Variants in PDE1C observed in about 807,000 individuals in gnomAD.
PDE1C encodes dual specificity calcium/calmodulin-dependent 3',5'-cyclic nucleotide phosphodiesterase 1C.
Under a neutral mutation model 93.1 loss-of-function variants are expected in PDE1C, and 62 were observed. The ratio of observed to expected loss-of-function variants is 0.67; its 90% confidence interval spans 0.54 to 0.82. The LOEUF (loss-of-function observed/expected upper bound fraction) is 0.82. PDE1C is among the 40% of genes least tolerant of loss of function. The pLI is 0.00. For missense variants in PDE1C, 742 were observed against 884.6 expected, an observed-to-expected ratio of 0.84 and a Z score of 2.04; for synonymous variants, 325 against 310.1, an observed-to-expected ratio of 1.05 and a Z score of -0.50.
intron 1 of PDE1C, among the ~76,000 whole-genome samples, chr7:32,278,366 T>C (rs1029138838): frequency 2.0e-5 from 3 of 152,112 alleles, no homozygotes; most frequent in African/African-American, 4.8e-5. Flanking sequence ...AAATGAGTGT[T>C]CCTCAAGGAG....
chr7:32,010,272 A>T lies in PDE1C; in HGVS notation c.128+41282T>A, dbSNP rs139464196. On this transcript the variant is annotated intron_variant, in intron 2 of 17. Transcript: ENST00000396191. ...TATAAAGCTAAAGTAAAGAAGGCAG[A>T]TTGGTATTAGCATCAAGATAGACAA... is the stretch of plus-strand genomic sequence containing the variant. Among the ~76,000 whole-genome samples the T allele has an allele frequency of 3.3e-3, 498 of 152,366 alleles. 6 individuals carry two copies. Among genetic ancestry groups the T allele is most frequent in the Middle Eastern group, 0.017 (5 of 294 alleles).
chr7:32,327,159 CCT>C (rs1483849402), intron 1 of PDE1C, among the ~76,000 whole-genome samples: 1 of 152,190 alleles, frequency 6.6e-6, no homozygotes, highest in Non-Finnish European at 1.5e-5. Context: ...TTTCTGACTG[CCT>C]CGACTGCTAT....
intron 17 of PDE1C, among the ~76,000 whole-genome samples, chr7:31,755,122 T>C (rs1352013835): frequency 2.0e-5 from 3 of 152,144 alleles, no homozygotes; most frequent in African/African-American, 7.2e-5. Flanking sequence ...CTATTGGTTA[T>C]CAACTCTAAG....
At position 31,845,849 on chromosome 7, in the gene PDE1C, T is replaced by C. The variant is rs138341682; in HGVS notation, c.980+2119A>G. 4.6e-5 allele frequency among the ~76,000 whole-genome samples: 7 copies of C among 151,998 alleles called. No homozygotes were observed. The East Asian group carries it at 1.4e-3, about 30-fold the overall frequency. ...CTATTAAAAATACAAAAAAATTAGC[T>C]GGGCCTGGTAGTGCATGCCTGTAGT... On this transcript the variant is annotated intron_variant, in intron 9 of 17. Transcript: ENST00000396191.
intron 1 of PDE1C, among the ~76,000 whole-genome samples, chr7:32,294,167 G>A (rs1181631903): frequency 1.3e-5 from 2 of 152,084 alleles, no homozygotes; most frequent in African/African-American, 4.8e-5. Context: ...GGGTAGGTCA[G>A]GGAACCCCCA....
At chr7:32,418,471 G>T (rs993895453) in intron 1 of PDE1C, among the ~76,000 whole-genome samples, 1 of 152,086 alleles carries the variant, frequency 6.6e-6, no homozygotes, top group African/African-American at 2.4e-5. Context: ...AACGTCTATT[G>T]TTCCTATGAA....
chr7:32,257,532 G>C (rs556467454), intron 1 of PDE1C, among the ~76,000 whole-genome samples: 88 of 152,298 alleles, frequency 5.8e-4, no homozygotes, highest in Non-Finnish European at 9.3e-4. Flanking sequence ...AAATGTTGTT[G>C]TGAAAATTTA....
intron 2 of PDE1C, among the ~76,000 whole-genome samples, chr7:31,967,821 C>T (rs780824587): frequency 6.6e-5 from 10 of 152,198 alleles, no homozygotes; most frequent in Middle Eastern, 3.4e-3. Context: ...AATCAATAAA[C>T]GTAATCCAGC....
intron 3 of PDE1C, among the ~76,000 whole-genome samples, chr7:32,113,922 A>G (rs182773027): frequency 6.6e-6 from 1 of 152,278 alleles, no homozygotes; most frequent in African/African-American, 2.4e-5. Flanking sequence ...ACAGCTAACA[A>G]GGGATGTGAA....
chr7:32,239,354 T>C (rs6977493), intron 1 of PDE1C, among the ~76,000 whole-genome samples: 15,993 of 152,162 alleles, frequency 0.11, 901 homozygotes, highest in East Asian at 0.13. Context: ...GATTGCACTA[T>C]TACACTCCAG....
chr7:31,686,744 G>A, the PDE1C span: 1 of 152,226 alleles, frequency 6.6e-6, no homozygotes, highest in Non-Finnish European at 1.5e-5. Context: ...GTCTCTAGAA[G>A]AGTGTCTGGC....
At chr7:31,723,657 C>A in the PDE1C span, among the ~76,000 whole-genome samples, 1 of 152,188 alleles carries the variant, frequency 6.6e-6, no homozygotes, top group Non-Finnish European at 1.5e-5. Flanking sequence ...CTCCAGCCAG[C>A]CCTAAGCCTT....
At chr7:32,222,282 C>T (rs561239422) in intron 1 of PDE1C, among the ~76,000 whole-genome samples, 38 of 152,284 alleles carry the variant, frequency 2.5e-4, no homozygotes, top group East Asian at 9.6e-4. Flanking sequence ...ATCAAATAAA[C>T]GAAATGAGGC....
intron 3 of PDE1C, among the ~76,000 whole-genome samples, chr7:32,165,622 C>T (rs867273067): frequency 6.6e-5 from 10 of 152,120 alleles, no homozygotes; most frequent in African/African-American, 2.4e-4. Flanking sequence ...TGTGAGAACT[C>T]ACTCACTATC....
chr7:31,719,031 C>T, the PDE1C span, among the ~76,000 whole-genome samples: 6 of 152,148 alleles, frequency 3.9e-5, no homozygotes, highest in East Asian at 1.2e-3. Context: ...ACAGCCAGGA[C>T]GTTTGAAAGA....
chr7:31,924,084 T>C (rs1803020590), intron 2 of PDE1C, among the ~76,000 whole-genome samples: 1 of 152,192 alleles, frequency 6.6e-6, no homozygotes, highest in South Asian at 2.1e-4. Context: ...GCACTGTTCA[T>C]TTAGAGTAAC....
the PDE1C span, among the ~76,000 whole-genome samples, chr7:31,638,364 C>G: frequency 6.6e-6 from 1 of 152,126 alleles, no homozygotes; most frequent in Non-Finnish European, 1.5e-5. Context: ...TTCTATTACT[C>G]AGGTTAAAGG....
intron 12 of PDE1C, among the ~76,000 whole-genome samples, chr7:31,826,603 T>A (rs906720584): frequency 5.3e-5 from 8 of 152,032 alleles, no homozygotes; most frequent in Non-Finnish European, 1.2e-4. Flanking sequence ...TAATGTAGAG[T>A]TCTGCCTTTA....
At chr7:32,410,468 C>T (rs118140475) in intron 1 of PDE1C, among the ~76,000 whole-genome samples, 2,982 of 152,006 alleles carry the variant, frequency 0.02, 43 homozygotes, top group Non-Finnish European at 0.03. Context: ...AGGAAGGAAA[C>T]GATGGCAATG....
Sources: allele counts gnomAD v4.1 joint callset (sites outside exome capture counted in the v4.1 genomes callset), GRCh38; gene constraint gnomAD v4.1.1; transcripts MANE v1.5; gene names NCBI Gene and HGNC (gene_info 2026-07-23, HGNC 2026-07-21).